The following RSBN1L variants were observed in gnomAD, a reference collection of about 807,000 sequenced individuals.
The protein encoded by RSBN1L is round spermatid basic protein 1 like, also known as lysine-specific demethylase RSBN1L.
A neutral mutation model predicts 67.7 loss-of-function variants in RSBN1L; 30 were observed. That is an observed-to-expected ratio of 0.44 (90% CI 0.33 to 0.60). The LOEUF (loss-of-function observed/expected upper bound fraction) is 0.60. Among genes scored for constraint, RSBN1L ranks in the 20% least tolerant of loss-of-function variants. The pLI, the probability that RSBN1L is intolerant of heterozygous loss-of-function variation, is 0.02. For missense variants in RSBN1L, 992 were observed against 1,031.7 expected, an observed-to-expected ratio of 0.96 and a Z score of 0.53; for synonymous variants, 433 against 387.0, an observed-to-expected ratio of 1.12 and a Z score of -1.39.
intron 3 of RSBN1L, among the ~76,000 whole-genome samples, chr7:77,760,910 A>G (rs1036028348): frequency 3.3e-5 from 5 of 152,248 alleles, no homozygotes; most frequent in African/African-American, 1.2e-4. Context: ...TGCTGGGATT[A>G]CAGGCGTGAC....
chr7:77,700,415 G>A (rs1412280236), intron 1 of RSBN1L, among the ~76,000 whole-genome samples: 1 of 152,166 alleles, frequency 6.6e-6, no homozygotes, highest in Non-Finnish European at 1.5e-5. Context: ...ACCCTGTGAA[G>A]TATTTCAAGA....
chr7:77,739,728 AAAAAAT>A (rs922984261), intron 2 of RSBN1L, among the ~76,000 whole-genome samples: 1 of 134,414 alleles, frequency 7.4e-6, no homozygotes, highest in African/African-American at 2.9e-5. Context: ...AAAAAAAAAA[AAAAAAT>A]GTGTCTTTTT....
chr7:77,750,039 C>G lies in RSBN1L; in HGVS notation c.1319C>G (p.Thr440Arg). ...TTGGGAAAGAAAGATATAGAGACAA[C>G]GACTATGTCCAATTTTCATGCTCAG... ...EILGKKDIETTTMSNFHAQVK... is the reference protein window; with the variant it reads ...EILGKKDIETRTMSNFHAQVK... Residue 440 changes from threonine (T) to arginine (R), a missense_variant, in exon 3 of 8, where the codon ACG becomes AGG. By Grantham distance (71) the Thr-to-Arg change is moderately conservative. Coordinates refer to ENST00000334955, the MANE Select transcript of RSBN1L (RefSeq NM_198467.3). 6.3e-7 allele frequency: 1 copy of G among 1,595,382 alleles called. No homozygotes were observed. Among genetic ancestry groups the G allele is most frequent in the Non-Finnish European group, 8.5e-7 (1 of 1,173,622 alleles).
At chr7:77,717,249 A>C (rs932932892) in intron 1 of RSBN1L, among the ~76,000 whole-genome samples, 3 of 152,122 alleles carry the variant, frequency 2.0e-5, no homozygotes, top group African/African-American at 7.2e-5. Flanking sequence ...CCGTAGTCTT[A>C]TATTATTTTA....
In RSBN1L at chr7:77,778,351, C is replaced by T. The variant is rs946521018; in HGVS notation, c.1807C>T (p.Arg603Cys). 3.7e-6 allele frequency: 6 copies of T among 1,609,406 alleles called. No homozygotes were observed. The highest frequency in any genetic ancestry group is 5.1e-6 in the Non-Finnish European group (6 of 1,178,204). ...VHCGEWPDQP[R>C]ITKDVICFHA... ...TTTCTTTTTTAGGCCTGATCAACCC[C>T]GTATAACCAAAGATGTAATTTGTTT... The change falls in exon 7 of 8, where the codon CGT becomes TGT. Residue 603 changes from arginine to cysteine, a missense_variant. Arg to Cys is a radical substitution (Grantham distance 180). This residue lies in a region of RSBN1L where 31 missense variants were observed against 24.5 expected (regional missense o/e 1.26). Coordinates refer to ENST00000334955, the MANE Select transcript of RSBN1L (RefSeq NM_198467.3).
rs539308184 is a variant in RSBN1L, at chr7:77,696,633, G to A, written c.164G>A (p.Arg55Lys). 5.6e-6 allele frequency: 9 copies of A among 1,614,002 alleles called. No homozygotes were observed. The East Asian group carries it at 8.9e-5, about 16-fold the overall frequency. Residue 55 changes from arginine to lysine, a missense_variant, in exon 1 of 8, where the codon AGA becomes AAA. Physicochemically the swap from Arg to Lys is conservative, Grantham distance 26. Transcript: ENST00000334955. Reference protein sequence around the residue: ...VRTEEKKAPRRVNGEGGSGGN... With the variant: ...VRTEEKKAPRKVNGEGGSGGN... Reference sequence around the variant, plus strand: ...ACTGAGGAGAAGAAGGCACCGCGGAGAGTGAACGGAGAAGGGGGCAGCGGC... The same window carrying A: ...ACTGAGGAGAAGAAGGCACCGCGGAAAGTGAACGGAGAAGGGGGCAGCGGC...
At chr7:77,712,057 TG>T (rs1790981585) in intron 1 of RSBN1L, among the ~76,000 whole-genome samples, 1 of 96,318 alleles carries the variant, frequency 1.0e-5, no homozygotes, top group South Asian at 3.1e-4. Context: ...TATAATTGTA[TG>T]TTTTTTTTGT....
At chr7:77,743,888 T>A (rs575259480) in intron 2 of RSBN1L, among the ~76,000 whole-genome samples, 1 of 152,122 alleles carries the variant, frequency 6.6e-6, no homozygotes, top group East Asian at 1.9e-4. Flanking sequence ...GTTTCACTTA[T>A]TTTTATTTCA....
rs150796450 is a variant in RSBN1L at position 77,750,420 on chromosome 7, A to G, written c.1344+356A>G. 3.3e-3 allele frequency among the ~76,000 whole-genome samples: 480 copies of G among 145,986 alleles called. 8 individuals are homozygous for G. The highest frequency in any genetic ancestry group is 0.011 in the African/African-American group (426 of 39,204). ...TGGAAATCACCTAAAATTGTCTTCT[A>G]GCTTTAGGATGCTTTAAGGTACTTA... On this transcript the variant is annotated intron_variant, in intron 3 of 7. Transcript: ENST00000334955.
intron 1 of RSBN1L, 113 bp downstream of exon 1, chr7:77,697,168 G>A: frequency 8.6e-7 from 1 of 1,157,844 alleles, no homozygotes; most frequent in Non-Finnish European, 1.1e-6. Context: ...CGGCCTGGAG[G>A]GGCTGGGAGG....
chr7:77,726,480 T>C (rs1292973253), intron 1 of RSBN1L, among the ~76,000 whole-genome samples: 1 of 152,212 alleles, frequency 6.6e-6, no homozygotes, highest in Non-Finnish European at 1.5e-5. Flanking sequence ...TTTAGGGTTT[T>C]GGGGAGGAAG....
At chr7:77,764,797 A>AT (rs1791740957) in intron 3 of RSBN1L, among the ~76,000 whole-genome samples, 1 of 151,786 alleles carries the variant, frequency 6.6e-6, no homozygotes, top group Admixed American at 6.6e-5. Context: ...CACTCGGCTG[A>AT]TTTTTTTGTA....
chr7:77,719,163 G>A (rs1206802732), intron 1 of RSBN1L, among the ~76,000 whole-genome samples: 1 of 152,148 alleles, frequency 6.6e-6, no homozygotes, highest in Non-Finnish European at 1.5e-5. Context: ...GGCACATAAT[G>A]TATGTGTGTT....
chr7:77,727,314 C>T (rs1374699354), intron 1 of RSBN1L, among the ~76,000 whole-genome samples: 1 of 151,990 alleles, frequency 6.6e-6, no homozygotes, highest in Non-Finnish European at 1.5e-5. Flanking sequence ...CTCGAACTCC[C>T]GACCTCCAGT....
intron 6 of RSBN1L, chr7:77,773,587 A>G (rs1791874958): frequency 4.5e-6 from 1 of 220,250 alleles, no homozygotes; most frequent in African/African-American, 2.3e-5. Flanking sequence ...ATATGGGGAA[A>G]CCCCGTCTGT....
At position 77,742,610 on chromosome 7, in the gene RSBN1L, C is replaced by T. The variant is rs190582298; in HGVS notation, c.703+6084C>T. Among the ~76,000 whole-genome samples the T allele has an allele frequency of 4.1e-3, 620 of 151,756 alleles. 5 individuals carry two copies. The highest frequency in any genetic ancestry group is 0.014 in the African/African-American group (571 of 41,368). On this transcript the variant is annotated intron_variant, in intron 2 of 7. Transcript: ENST00000334955. ...CCCAGCACTTTGGGAGGCCGAGGCA[C>T]GCAGATCACTTGAGGTCAGGAGTTT...
At chr7:77,721,138 T>C (rs1584280953) in intron 1 of RSBN1L, among the ~76,000 whole-genome samples, 1 of 152,134 alleles carries the variant, frequency 6.6e-6, no homozygotes, top group Non-Finnish European at 1.5e-5. Context: ...AGGAGAACTT[T>C]CTGTTTCTTG....
chr7:77,747,843 G>C (rs146552291), intron 2 of RSBN1L, among the ~76,000 whole-genome samples: 161 of 151,690 alleles, frequency 1.1e-3, no homozygotes, highest in African/African-American at 3.8e-3. Context: ...ATAAAGAAAA[G>C]AGGTTTAATT....
chr7:77,750,223 A>G (rs551317449), intron 3 of RSBN1L, among the ~76,000 whole-genome samples, 159 bp downstream of exon 3: 1 of 151,916 alleles, frequency 6.6e-6, no homozygotes, highest in East Asian at 1.9e-4. Context: ...TGTGAGCATC[A>G]GAATTTAAAA....
Sources: allele counts gnomAD v4.1 joint callset (sites outside exome capture counted in the v4.1 genomes callset), GRCh38; gene constraint gnomAD v4.1.1; regional missense constraint gnomAD v4.1.1; transcripts MANE v1.5; gene names NCBI Gene and HGNC (gene_info 2026-07-23, HGNC 2026-07-21).